The following STK3 variants were observed in gnomAD, a reference collection of about 807,000 sequenced individuals.
STK3 encodes serine/threonine kinase 3.
STK3 carries 41 observed loss-of-function variants against 58.0 expected under a neutral mutation model. The ratio of observed to expected loss-of-function variants is 0.71; its 90% CI spans 0.55 to 0.92. STK3 has a LOEUF of 0.92. Ranked by LOEUF, STK3 falls within the 40% of genes least tolerant of loss-of-function variation. The pLI, the probability that STK3 is intolerant of heterozygous loss-of-function variation, is 0.00. For synonymous variants in STK3, 170 were observed against 191.0 expected, an observed-to-expected ratio of 0.89 and a Z score of 0.91; for missense variants, 479 against 602.7, an observed-to-expected ratio of 0.79 and a Z score of 2.15.
chr8:98,613,188 C>A (rs1354082013), intron 6 of STK3, among the ~76,000 whole-genome samples: 1 of 152,190 alleles, frequency 6.6e-6, no homozygotes, highest in East Asian at 1.9e-4. Flanking sequence ...TCAACAAACT[C>A]TACCTGGCAG....
chr8:98,780,463 C>T (rs893245285), intron 1 of STK3, among the ~76,000 whole-genome samples: 13 of 151,988 alleles, frequency 8.6e-5, no homozygotes, highest in Admixed American at 7.9e-4. Flanking sequence ...ACTGGGTTTT[C>T]GGTCCTTTTC....
At chr8:98,897,441 T>C (rs1175513024) in intron 1 of STK3, among the ~76,000 whole-genome samples, 1 of 152,036 alleles carries the variant, frequency 6.6e-6, no homozygotes, top group African/African-American at 2.4e-5. Flanking sequence ...CGGACGCCTG[T>C]AGTCCCAGCT....
At chr8:98,890,441 C>A (rs927654673) in intron 1 of STK3, among the ~76,000 whole-genome samples, 1 of 152,138 alleles carries the variant, frequency 6.6e-6, no homozygotes, top group Admixed American at 6.5e-5. Context: ...TGAATGTAGA[C>A]CCATTTATTT....
chr8:98,760,508 G>A (rs1036949712), intron 3 of STK3, among the ~76,000 whole-genome samples: 2 of 151,968 alleles, frequency 1.3e-5, no homozygotes, highest in South Asian at 4.2e-4. Context: ...GAAGAACCAG[G>A]AAAACACAAA....
At position 98,767,309 on chromosome 8, in the gene STK3, T is replaced by G; in HGVS notation, c.170A>C (p.Gln57Pro). ...CTGAAGATCTGATTCAACAGGTACT[T>G]GTTTAATTGCGACAACTTGACCGGA... ...KESGQVVAIK[Q>P]VPVESDLQEI... The change falls in exon 3 of 11, where the codon CAA becomes CCA. Residue 57 changes from glutamine to proline, a missense_variant. Around this residue, in one of 3 missense-constraint regions of STK3, gnomAD observed 126 missense variants for 210.1 expected, o/e 0.60. Coordinates refer to ENST00000419617, the MANE Select transcript of STK3 (RefSeq NM_006281.4). 1 of 1,612,196 alleles carries G rather than the reference T, an allele frequency of 6.2e-7. No individual in the cohort carries two copies.
chr8:98,778,449 A>C (rs1458900684), intron 1 of STK3, among the ~76,000 whole-genome samples: 2 of 152,126 alleles, frequency 1.3e-5, no homozygotes, highest in African/African-American at 4.8e-5. Context: ...AAACTAGTTC[A>C]ACCATTGTGG....
At chr8:98,569,813 T>C (rs1812816122) in intron 8 of STK3, among the ~76,000 whole-genome samples, 1 of 151,570 alleles carries the variant, frequency 6.6e-6, no homozygotes, top group Non-Finnish European at 1.5e-5. Flanking sequence ...TAAATAATTT[T>C]ATCTGAAATA....
chr8:98,912,396 A>G (rs1587838858), intron 1 of STK3, among the ~76,000 whole-genome samples: 1 of 147,666 alleles, frequency 6.8e-6, no homozygotes, highest in East Asian at 1.9e-4. Context: ...CAACAACAAC[A>G]ATAACAAACG....
rs189038198 is a variant in STK3, at chr8:98,871,173, C to T, written c.110+12474G>A. Among the ~76,000 whole-genome samples, 169 of 152,060 alleles carry T rather than the reference C, an allele frequency of 1.1e-3. 5 individuals are homozygous for T. In the East Asian group the frequency reaches 0.021, roughly 19 times the overall value. ...GGTTGTAGATGTGTGGTATTATTTC[C>T]GAGGGCTCTATTCTGTTCCATTGGT... On this transcript the variant is annotated intron_variant, in intron 3 of 12. Transcript: ENST00000523601.
intron 1 of STK3, among the ~76,000 whole-genome samples, chr8:98,382,891 A>T (rs1399786760): frequency 6.6e-6 from 1 of 152,156 alleles, no homozygotes; most frequent in Non-Finnish European, 1.5e-5. Flanking sequence ...TCCGTCCTGC[A>T]TGGCAGCGTT....
At chr8:98,414,114 A>C (rs1048177788) in intron 3 of STK3, among the ~76,000 whole-genome samples, 10 of 152,104 alleles carry the variant, frequency 6.6e-5, no homozygotes, top group African/African-American at 2.4e-4. Context: ...AAATACAAAA[A>C]TTAGCCAGGC....
chr8:98,831,447 A>G lies in STK3; in HGVS notation c.110+52200T>C, dbSNP rs144737886. Among the ~76,000 whole-genome samples the G allele has an allele frequency of 8.7e-3, 1,325 of 152,238 alleles. 12 individuals are homozygous for G. Among genetic ancestry groups the G allele is most frequent in the African/African-American group, 0.03 (1,248 of 41,542 alleles). On this transcript the variant is annotated intron_variant, in intron 3 of 12. Coordinates refer to the STK3 transcript ENST00000523601. ...TTACTTTTGAGTTTTGTAGAAACAG[A>G]GGTCTCACTATGTTACCCAGACTGG...
chr8:98,939,155 G>A (rs998541108), intron 1 of STK3, among the ~76,000 whole-genome samples: 1 of 152,190 alleles, frequency 6.6e-6, no homozygotes, highest in Admixed American at 6.5e-5. Context: ...GAATGAATAA[G>A]CTGCCTAAAG....
intron 10 of STK3, among the ~76,000 whole-genome samples, chr8:98,501,470 G>C (rs1199574340): frequency 1.3e-5 from 2 of 152,190 alleles, no homozygotes; most frequent in African/African-American, 4.8e-5. Context: ...TAGTCATAAA[G>C]TTCTTGCCCA....
chr8:98,890,236 G>A (rs535356626), intron 1 of STK3, among the ~76,000 whole-genome samples: 5 of 152,288 alleles, frequency 3.3e-5, no homozygotes, highest in Non-Finnish European at 5.9e-5. Context: ...GAACAAGGAC[G>A]CCAACATGAT....
intron 4 of STK3, among the ~76,000 whole-genome samples, chr8:98,742,053 G>C (rs1306359439): frequency 6.6e-6 from 1 of 152,000 alleles, no homozygotes; most frequent in African/African-American, 2.4e-5. Flanking sequence ...TCTCTGAATA[G>C]AACAATAACA....
intron 1 of STK3, among the ~76,000 whole-genome samples, chr8:98,448,212 T>C (rs892207900): frequency 6.6e-6 from 1 of 152,116 alleles, no homozygotes; most frequent in Non-Finnish European, 1.5e-5. Context: ...AAAGATGACA[T>C]GCTAAGCATG....
intron 5 of STK3, 136 bp downstream of exon 5, chr8:98,707,011 T>C: frequency 1.1e-6 from 1 of 932,386 alleles, no homozygotes; most frequent in African/African-American, 1.7e-5. Context: ...TTTGGCTCAA[T>C]TATGGTTCCT....
At chr8:98,641,761 T>C (rs1820037577) in intron 6 of STK3, among the ~76,000 whole-genome samples, 2 of 152,090 alleles carry the variant, frequency 1.3e-5, no homozygotes, top group African/African-American at 4.8e-5. Context: ...CCATGAAGAG[T>C]AGAGGGGAAG....
Sources: allele counts gnomAD v4.1 joint callset (sites outside exome capture counted in the v4.1 genomes callset), GRCh38; gene constraint gnomAD v4.1.1; regional missense constraint gnomAD v4.1.1; transcripts MANE v1.5; gene names NCBI Gene and HGNC (gene_info 2026-07-23, HGNC 2026-07-21).